The following DMD variants were observed in gnomAD, a reference collection of about 807,000 sequenced individuals.
DMD encodes mutant dystrophin.
Under a neutral mutation model 330.1 loss-of-function variants are expected in DMD, and 63 were observed. The observed-to-expected ratio is 0.19, with a 90% CI of 0.16 to 0.24. The LOEUF is 0.24. DMD is among the 10% of genes least tolerant of loss of function. DMD has a pLI of 1.00. For missense variants in DMD, 3,344 were observed against 2,684.1 expected (o/e 1.25, Z -5.43); for synonymous variants, 1,223 against 959.8 (o/e 1.27, Z -5.07).
chrX:31,887,112 CTG>C (rs1194638349), intron 47 of DMD, among the ~76,000 whole-genome samples: 3 of 112,105 alleles, frequency 2.7e-5, no homozygotes, highest in Non-Finnish European at 5.6e-5. Flanking sequence ...CTGTTAACCA[CTG>C]TACTATTTTA....
intron 41 of DMD, among the ~76,000 whole-genome samples, chrX:32,331,092 TA>T (rs1238917219): frequency 8.9e-6 from 1 of 111,819 alleles, no homozygotes; most frequent in Non-Finnish European, 1.9e-5. Context: ...TAGGCTATCA[TA>T]AGGATAAGAG....
chrX:31,935,721 C>CT (rs1049480786), intron 45 of DMD, among the ~76,000 whole-genome samples: 4 of 110,982 alleles, frequency 3.6e-5, no homozygotes, highest in Admixed American at 1.9e-4. Flanking sequence ...ATTGGCAAGG[C>CT]TTTTAAACAT....
At chrX:31,721,718 C>CTCTCTCTATATA (rs1227959078) in intron 52 of DMD, among the ~76,000 whole-genome samples, 1 of 56,497 alleles carries the variant, frequency 1.8e-5, no homozygotes, top group Non-Finnish European at 3.3e-5. Flanking sequence ...CTCTCTCTCT[C>CTCTCTCTATATA]TATATATATA....
Position 32,364,642 on chromosome X carries a change from A to C in DMD, c.5094T>G (p.Ala1698=), listed in dbSNP as rs1481910221. The C allele has an allele frequency of 8.3e-7, 1 of 1,208,482 alleles. No homozygotes were observed. The highest frequency in any genetic ancestry group is 1.1e-6 in the Non-Finnish European group (1 of 894,092). Residue 1698 remains alanine (A), a synonymous_variant, in exon 36 of 79, where the codon GCT becomes GCG. Coordinates refer to ENST00000357033, the MANE Select transcript of DMD (RefSeq NM_004006.3). ...TCTCTGATTCATCCAAAAGTGTGTCAGCCTGAATGATCCACTTTGTGATGT... is the reference window on the plus strand; with the variant it reads ...TCTCTGATTCATCCAAAAGTGTGTCCGCCTGAATGATCCACTTTGTGATGT... ...VDHITKWIIQ[A]DTLLDESEKK...
chrX:32,564,581 T>C (rs1487012974), intron 16 of DMD, among the ~76,000 whole-genome samples: 1 of 112,332 alleles, frequency 8.9e-6, no homozygotes, highest in Non-Finnish European at 1.9e-5. Flanking sequence ...GGAAAACAAA[T>C]GGAGTTTTTA....
intron 7 of DMD, among the ~76,000 whole-genome samples, chrX:32,772,859 A>AAACATCACGTTTAT (rs199920568): frequency 0.082 from 9,137 of 111,245 alleles, 928 homozygotes; most frequent in African/African-American, 0.29. Flanking sequence ...TGGGGAAAAT[A>AAACATCACGTTTAT]AACATATCAA....
intron 1 of DMD, among the ~76,000 whole-genome samples, chrX:33,308,014 C>T (rs2053790273): frequency 8.9e-6 from 1 of 111,846 alleles, no homozygotes; most frequent in Non-Finnish European, 1.9e-5. Flanking sequence ...CAGCTATTAT[C>T]ATACTTGGAA....
chrX:32,332,944 A>G (rs956233786), intron 41 of DMD, among the ~76,000 whole-genome samples: 3 of 109,953 alleles, frequency 2.7e-5, no homozygotes, highest in Non-Finnish European at 5.7e-5. Flanking sequence ...GAAAACAGCA[A>G]GACATATATA....
intron 1 of DMD, among the ~76,000 whole-genome samples, chrX:33,285,243 C>G (rs2053414174): frequency 9.0e-6 from 1 of 111,058 alleles, no homozygotes; most frequent in Non-Finnish European, 1.9e-5. Context: ...ATATAATGAA[C>G]CAGTCATTAT....
intron 21 of DMD, among the ~76,000 whole-genome samples, chrX:32,476,667 G>A (rs2041267742): frequency 9.0e-6 from 1 of 111,367 alleles, no homozygotes; most frequent in African/African-American, 3.3e-5. Context: ...AACCATGCAG[G>A]CCAGGGAATG....
rs867551910 is a variant in DMD, at chrX:32,252,675, T to A, written c.6290+34854A>T. On this transcript the variant is annotated intron_variant, in intron 43 of 78. Transcript: ENST00000357033. ...ATACAAATATATAAATATATATATA[T>A]AAATATATAAATATATATATAAATA... is the stretch of plus-strand genomic sequence containing the variant. Among the ~76,000 whole-genome samples the A allele has an allele frequency of 9.6e-3, 159 of 16,590 alleles. 7 individuals carry two copies. The highest frequency in any genetic ancestry group is 0.039 in the African/African-American group (147 of 3,805). 14.4% of individuals were successfully genotyped at this position (16,590 alleles called of 115,157 possible). A position where few individuals can be genotyped will look rare whatever the true frequency, so the allele number is the denominator to read the frequency against.
chrX:32,620,204 C>T (rs886994905), intron 11 of DMD, among the ~76,000 whole-genome samples: 2 of 111,945 alleles, frequency 1.8e-5, no homozygotes, highest in African/African-American at 6.5e-5. Flanking sequence ...ATTCCATCAG[C>T]ATCTTTATCC....
chrX:32,244,586 A>C (rs1020376406), intron 43 of DMD, among the ~76,000 whole-genome samples: 3 of 81,023 alleles, frequency 3.7e-5, no homozygotes, highest in Non-Finnish European at 7.0e-5. Flanking sequence ...AACAGTGTAA[A>C]AGTGTTCCTA....
At chrX:32,314,492 G>C (rs1239483572) in intron 41 of DMD, among the ~76,000 whole-genome samples, 1 of 111,482 alleles carries the variant, frequency 9.0e-6, no homozygotes, top group Non-Finnish European at 1.9e-5. Context: ...CATGGGCAAA[G>C]ACTTCATGAC....
At chrX:32,333,571 T>TTTC (rs1022481599) in intron 41 of DMD, among the ~76,000 whole-genome samples, 1 of 111,032 alleles carries the variant, frequency 9.0e-6, no homozygotes, top group African/African-American at 3.3e-5. Context: ...TATACTTATA[T>TTTC]TTCTTTTTTT....
At chrX:32,124,584 T>C (rs1306326500) in intron 44 of DMD, among the ~76,000 whole-genome samples, 2 of 112,353 alleles carry the variant, frequency 1.8e-5, no homozygotes, top group African/African-American at 6.5e-5. Flanking sequence ...TCAATAAATT[T>C]CTCTTGAATA....
At chrX:33,197,062 C>T (rs1469271732) in intron 1 of DMD, among the ~76,000 whole-genome samples, 1 of 111,209 alleles carries the variant, frequency 9.0e-6, no homozygotes, top group Non-Finnish European at 1.9e-5. Context: ...CAGTGATGCA[C>T]GTTCCCATAT....
At chrX:32,880,707 G>A (rs2083854198) in intron 2 of DMD, among the ~76,000 whole-genome samples, 2 of 112,289 alleles carry the variant, frequency 1.8e-5, no homozygotes, top group Non-Finnish European at 1.9e-5. Context: ...CACTTTAGAC[G>A]GCCGAGGTGG....
At chrX:32,870,957 GC>G (rs2082907025) in intron 2 of DMD, among the ~76,000 whole-genome samples, 2 of 14,150 alleles carry the variant, frequency 1.4e-4, no homozygotes, top group African/African-American at 4.4e-4. Context: ...CTTCTGTACA[GC>G]AAAAAAAAAA....
Sources: gnomAD v4.1 joint callset for allele counts (sites outside exome capture counted in the v4.1 genomes callset) on GRCh38, gnomAD v4.1.1 for gene constraint, MANE v1.5 for transcripts, NCBI Gene and HGNC (gene_info 2026-07-23, HGNC 2026-07-21) for gene names.